The following ZNF184 variants were observed in gnomAD, a reference collection of about 807,000 sequenced individuals.
The protein encoded by ZNF184 is zinc finger protein 184.
A neutral mutation model predicts 54.4 loss-of-function variants in ZNF184; 16 were observed. The observed-to-expected ratio is 0.29, with a 90% confidence interval of 0.20 to 0.45. The LOEUF (loss-of-function observed/expected upper bound fraction) is 0.45. Among genes scored for constraint, ZNF184 ranks in the 20% least tolerant of loss-of-function variants. The probability of loss-of-function intolerance (pLI) is 1.00; values close to 1 mark genes in which losing one functional copy is unlikely to be tolerated. For missense variants in ZNF184, 681 were observed against 888.2 expected (o/e 0.77, Z 2.97); for synonymous variants, 254 against 295.3 (o/e 0.86, Z 1.43).
chr6:27,467,946 G>C (rs1298337555), intron 2 of ZNF184, 26 bp from the exon 3 acceptor site: 1 of 1,551,832 alleles, frequency 6.4e-7, no homozygotes, highest in Admixed American at 1.9e-5. Flanking sequence ...GGAGCCATAT[G>C]ACTTCTGTTC....
chr6:27,430,968 A>G, the ZNF184 span, among the ~76,000 whole-genome samples: 1 of 152,050 alleles, frequency 6.6e-6, no homozygotes, highest in African/African-American at 2.4e-5. Context: ...GAGGTCCCTG[A>G]AAATACCTTA....
At chr6:27,456,805 C>T (rs1171350788) in intron 5 of ZNF184, 21 bp downstream of exon 5, 4 of 1,602,096 alleles carry the variant, frequency 2.5e-6, no homozygotes, top group African/African-American at 2.7e-5. Flanking sequence ...TGATATTCAT[C>T]TGCTGGCATC....
the ZNF184 span, among the ~76,000 whole-genome samples, chr6:27,441,969 TA>T: frequency 1.3e-5 from 2 of 152,186 alleles, no homozygotes; most frequent in African/African-American, 2.4e-5. Context: ...AAAATCAGCC[TA>T]AAAAATGTGA....
In ZNF184 at chr6:27,451,362, T is replaced by C. The variant is rs1401111994; in HGVS notation, c.2197A>G (p.Lys733Glu). The change falls in exon 6 of 6, where the codon AAA becomes GAA. Residue 733 changes from lysine to glutamate, a missense_variant. Coordinates refer to ENST00000683788, the MANE Select transcript of ZNF184 (RefSeq NM_001318891.2). ...AGAGCAGAGCGATATCTGAAGGATT[T>C]TCCACAATCATTACATCCAAAAGGC... ...EKPFGCNDCG[K>E]SFRYRSALNK... 4.3e-6 allele frequency: 7 copies of C among 1,613,834 alleles called. No homozygotes were observed. Among genetic ancestry groups the C allele is most frequent in the Admixed American group, 3.3e-5 (2 of 59,990 alleles).
At chr6:27,461,522 T>G (rs959383202) in intron 3 of ZNF184, among the ~76,000 whole-genome samples, 1 of 151,736 alleles carries the variant, frequency 6.6e-6, no homozygotes, top group Non-Finnish European at 1.5e-5. Flanking sequence ...GTCAATAGAA[T>G]CAAGCTGTGG....
the ZNF184 span, among the ~76,000 whole-genome samples, chr6:27,434,405 T>G: frequency 6.6e-6 from 1 of 152,226 alleles, no homozygotes; most frequent in African/African-American, 2.4e-5. Flanking sequence ...TGGTTTTTAT[T>G]TGCATTTTCC....
the ZNF184 span, among the ~76,000 whole-genome samples, chr6:27,438,967 G>A: frequency 7.2e-5 from 11 of 151,880 alleles, no homozygotes; most frequent in Non-Finnish European, 1.2e-4. Context: ...TGGCACATTC[G>A]CTTTAATTTT....
chr6:27,427,205 ATAATT>A, the ZNF184 span, among the ~76,000 whole-genome samples: 3 of 152,138 alleles, frequency 2.0e-5, no homozygotes, highest in Non-Finnish European at 4.4e-5. Context: ...GATGAACAAA[ATAATT>A]AAAGTGGTTA....
At chr6:27,424,408 T>G in the ZNF184 span, among the ~76,000 whole-genome samples, 2 of 152,178 alleles carry the variant, frequency 1.3e-5, no homozygotes, top group African/African-American at 2.4e-5. Flanking sequence ...GCTTTTATTC[T>G]CTTATCTGGC....
chr6:27,470,670 T>C (rs1763252601), intron 2 of ZNF184, among the ~76,000 whole-genome samples: 2 of 152,180 alleles, frequency 1.3e-5, no homozygotes, highest in Non-Finnish European at 2.9e-5. Flanking sequence ...GTAAGATGCT[T>C]TTTATTCCAA....
the ZNF184 span, among the ~76,000 whole-genome samples, chr6:27,444,931 C>T: frequency 6.6e-6 from 1 of 152,144 alleles, no homozygotes; most frequent in African/African-American, 2.4e-5. Flanking sequence ...AAACACTTTG[C>T]TTAGATAGCT....
intron 5 of ZNF184, among the ~76,000 whole-genome samples, chr6:27,454,071 A>T (rs924767445): frequency 1.3e-4 from 20 of 152,242 alleles, no homozygotes; most frequent in African/African-American, 4.6e-4. Flanking sequence ...CACATAAAAC[A>T]ACAGAAGAAA....
At chr6:27,430,538 G>A in the ZNF184 span, among the ~76,000 whole-genome samples, 1 of 152,154 alleles carries the variant, frequency 6.6e-6, no homozygotes, top group Non-Finnish European at 1.5e-5. Context: ...GACAGACACA[G>A]AAGAGGAGGG....
intron 3 of ZNF184, among the ~76,000 whole-genome samples, chr6:27,463,125 T>G (rs1364742437): frequency 1.2e-4 from 6 of 51,024 alleles, no homozygotes; most frequent in East Asian, 6.6e-4. Context: ...GGGACTGTTG[T>G]GGGGTGGGGG....
At position 27,455,443 on chromosome 6, in the gene ZNF184, C is replaced by G. The variant is rs187699378; in HGVS notation, c.298+1383G>C. ...TTAATGGTTTAAAATGGTTTTCTATCTGGTCAAGTAAAATTTCATTTTTAA... is the reference window on the plus strand; with the variant it reads ...TTAATGGTTTAAAATGGTTTTCTATGTGGTCAAGTAAAATTTCATTTTTAA... On this transcript the variant is annotated intron_variant, in intron 5 of 5. Coordinates refer to ENST00000683788, the MANE Select transcript of ZNF184 (RefSeq NM_001318891.2). Among the ~76,000 whole-genome samples, 470 of 152,246 alleles carry G rather than the reference C, an allele frequency of 3.1e-3. 1 individual carries two copies. The highest frequency in any genetic ancestry group is 5.0e-3 in the Non-Finnish European group (339 of 68,018).
In ZNF184 at chr6:27,457,380, C is replaced by T; in HGVS notation, c.105G>A (p.Val35=). The change falls in exon 4 of 6, where the codon GTG becomes GTA. Residue 35 remains valine, a synonymous_variant. Transcript: ENST00000683788. ...QEAVTFKDVI[V]DFTQEEWKQL... ...GTTTCCATTCTTCCTGGGTAAAGTC[C>T]ACTATCACATCCTTGAAAGTCACCG... 6.2e-7 allele frequency: 1 copy of T among 1,613,950 alleles called. No individual in the cohort carries two copies. Among genetic ancestry groups the T allele is most frequent in the African/African-American group, 1.3e-5 (1 of 74,992 alleles).
intron 3 of ZNF184, among the ~76,000 whole-genome samples, chr6:27,465,743 T>C (rs1763119130): frequency 6.6e-6 from 1 of 152,072 alleles, no homozygotes; most frequent in Non-Finnish European, 1.5e-5. Flanking sequence ...CAAAATATAT[T>C]TGCGAAAATT....
intron 3 of ZNF184, among the ~76,000 whole-genome samples, chr6:27,459,689 T>C (rs1259073953): frequency 6.6e-6 from 1 of 152,150 alleles, no homozygotes; most frequent in Non-Finnish European, 1.5e-5. Flanking sequence ...GAAACACTTC[T>C]AGGTACAAAG....
chr6:27,451,662 G>C lies in ZNF184; in HGVS notation c.1897C>G (p.Gln633Glu). The change falls in exon 6 of 6, where the codon CAA becomes GAA. Residue 633 changes from glutamine (Q) to glutamate (E), a missense_variant. Transcript: ENST00000683788. ...GGTTTTTCTTCTGTGTGAGTTTTTT[G>C]ATGTTGAGCAAGAGATGAACAATGT... ...FRHCSSLAQH[Q>E]KTHTEEKPYQ... The C allele has an allele frequency of 6.2e-7, 1 of 1,614,086 alleles. No individual in the cohort carries two copies. Among genetic ancestry groups the C allele is most frequent in the African/African-American group, 1.3e-5 (1 of 75,042 alleles).
Sources: gnomAD v4.1 joint callset for allele counts (sites outside exome capture counted in the v4.1 genomes callset) on GRCh38, gnomAD v4.1.1 for gene constraint, MANE v1.5 for transcripts, NCBI Gene and HGNC (gene_info 2026-07-23, HGNC 2026-07-21) for gene names.